The following GNG2 variants were observed in gnomAD, a reference collection of about 807,000 sequenced individuals.
The protein encoded by GNG2 is G protein subunit gamma 2.
In GNG2, 5 loss-of-function variants were observed where a neutral mutation model predicts 5.5. The observed-to-expected ratio is 0.91, with a 90% confidence interval of 0.48 to 1.92. The LOEUF is 1.92. Ranked by LOEUF, GNG2 falls within the 30% of genes most tolerant of loss-of-function variation. GNG2 has a pLI of 0.01. For missense variants in GNG2, 55 were observed against 88.4 expected (o/e 0.62, Z 1.52); for synonymous variants, 28 against 32.0 (o/e 0.88, Z 0.42).
intron 1 of GNG2, among the ~76,000 whole-genome samples, chr14:51,873,278 G>C (rs1566656755): frequency 6.6e-6 from 1 of 152,126 alleles, no homozygotes; most frequent in Non-Finnish European, 1.5e-5. Flanking sequence ...GGGGCTTCTG[G>C]GGGAACAATC....
chr14:51,959,159 C>T lies in GNG2; in HGVS notation c.88-7400C>T, dbSNP rs577455309. ...CAAGGGTCCTAGGGTTCATTCATTA[C>T]TCAGCTCTACTTTCTTGGTGATCTT... On this transcript the variant is annotated intron_variant, in intron 3 of 3. Transcript: ENST00000556766. Among the ~76,000 whole-genome samples the T allele has an allele frequency of 1.3e-3, 193 of 152,294 alleles. 5 individuals carry two copies. The South Asian group carries it at 0.038, about 30-fold the overall frequency.
intron 2 of GNG2, among the ~76,000 whole-genome samples, chr14:51,879,074 C>T (rs1273433666): frequency 1.3e-5 from 2 of 152,182 alleles, no homozygotes; most frequent in Non-Finnish European, 2.9e-5. Flanking sequence ...CCAGAGCACT[C>T]TAGGGAGACG....
At chr14:51,829,682 C>T (rs55700722) in intron 2 of GNG2, among the ~76,000 whole-genome samples, 1 of 152,088 alleles carries the variant, frequency 6.6e-6, no homozygotes, top group Admixed American at 6.6e-5. Flanking sequence ...AATTCCTTCC[C>T]TGTCATTCTC....
At chr14:51,896,017 C>T (rs908019024) in intron 2 of GNG2, among the ~76,000 whole-genome samples, 1 of 152,210 alleles carries the variant, frequency 6.6e-6, no homozygotes, top group African/African-American at 2.4e-5. Flanking sequence ...GTAAATTGCC[C>T]AGTCTCGGAT....
intron 2 of GNG2, among the ~76,000 whole-genome samples, chr14:51,947,454 G>A (rs888601998): frequency 1.3e-5 from 2 of 152,156 alleles, no homozygotes; most frequent in African/African-American, 4.8e-5. Context: ...GGAGGTCAGA[G>A]TGATGTGACA....
chr14:51,843,374 C>T (rs1466254985), intron 2 of GNG2, among the ~76,000 whole-genome samples: 1 of 152,068 alleles, frequency 6.6e-6, no homozygotes, highest in East Asian at 1.9e-4. Flanking sequence ...TCATATAGAA[C>T]AATGAGAACA....
At chr14:51,932,823 A>C (rs1160751239) in intron 2 of GNG2, among the ~76,000 whole-genome samples, 2 of 152,046 alleles carry the variant, frequency 1.3e-5, no homozygotes, top group African/African-American at 2.4e-5. Flanking sequence ...AATTATAAGG[A>C]AAAAGGATGT....
At chr14:51,965,425 A>T (rs544503768) in intron 3 of GNG2, among the ~76,000 whole-genome samples, 5 of 152,268 alleles carry the variant, frequency 3.3e-5, no homozygotes, top group Non-Finnish European at 7.4e-5. Flanking sequence ...GCTATAGATG[A>T]CTTTTAGTTT....
intron 2 of GNG2, among the ~76,000 whole-genome samples, chr14:51,931,423 T>C (rs148139019): frequency 2.8e-4 from 42 of 152,190 alleles, no homozygotes; most frequent in African/African-American, 9.4e-4. Context: ...CTCATTCACA[T>C]AGAGAGGGTG....
chr14:51,966,698 G>C lies in GNG2; in HGVS notation c.*11G>C. ...TGTGCCATCCTTTAAGTCTTTGAGA[G>C]GGGCCTGAAGAGCCTCCGGGCTCCT... On this transcript the variant is annotated 3_prime_UTR_variant, in exon 4 of 4. Transcript: ENST00000556766. The C allele has an allele frequency of 1.2e-6, 2 of 1,613,072 alleles. No individual in the cohort carries two copies. Among genetic ancestry groups the C allele is most frequent in the Non-Finnish European group, 1.7e-6 (2 of 1,179,120 alleles).
chr14:51,907,196 C>T (rs763108547), intron 2 of GNG2, among the ~76,000 whole-genome samples: 4 of 152,204 alleles, frequency 2.6e-5, no homozygotes, highest in Non-Finnish European at 4.4e-5. Context: ...ATTGATGGTG[C>T]TATGGGAGAA....
At chr14:51,835,539 A>G (rs922102937) in intron 2 of GNG2, among the ~76,000 whole-genome samples, 1 of 152,206 alleles carries the variant, frequency 6.6e-6, no homozygotes, top group Non-Finnish European at 1.5e-5. Context: ...GATTTGAGAT[A>G]TGCTGACCCA....
chr14:51,933,845 GA>G (rs913704815), intron 2 of GNG2, among the ~76,000 whole-genome samples: 1 of 152,202 alleles, frequency 6.6e-6, no homozygotes, highest in Non-Finnish European at 1.5e-5. Context: ...CACCAGCTGA[GA>G]ATGAGGATGA....
At chr14:51,958,198 C>CTTTCTCAG (rs773187955) in intron 3 of GNG2, among the ~76,000 whole-genome samples, 1 of 152,198 alleles carries the variant, frequency 6.6e-6, no homozygotes, top group Non-Finnish European at 1.5e-5. Flanking sequence ...TCTTTGAGCT[C>CTTTCTCAG]TTTCTCAGTT....
chr14:51,936,583 C>T (rs1452880318), intron 2 of GNG2, among the ~76,000 whole-genome samples: 1 of 149,246 alleles, frequency 6.7e-6, no homozygotes, highest in African/African-American at 2.5e-5. Flanking sequence ...TAGTGCCTCA[C>T]TCTGTGGCCC....
chr14:51,908,311 AG>A (rs1249877623), intron 2 of GNG2, among the ~76,000 whole-genome samples: 4 of 152,240 alleles, frequency 2.6e-5, no homozygotes, highest in Non-Finnish European at 5.9e-5. Context: ...TCATTTTAGA[AG>A]AACCATATCA....
At chr14:51,866,975 T>C (rs1160883967) in intron 1 of GNG2, among the ~76,000 whole-genome samples, 10 of 152,236 alleles carry the variant, frequency 6.6e-5, no homozygotes, top group Non-Finnish European at 1.3e-4. Context: ...TAAGGGATTA[T>C]GTTGTGACAA....
At chr14:51,958,373 A>G (rs981273699) in intron 3 of GNG2, among the ~76,000 whole-genome samples, 6 of 136,460 alleles carry the variant, frequency 4.4e-5, no homozygotes, top group African/African-American at 1.6e-4. Context: ...GCTGCCCCCC[A>G]GGACCTCTCA....
At chr14:51,913,002 T>G (rs1886384094) in intron 2 of GNG2, 1 of 152,146 alleles carries the variant, frequency 6.6e-6, no homozygotes, top group Admixed American at 6.5e-5. Context: ...TGTTTCTGCT[T>G]TCAAAGGGAT....
Sources: gnomAD v4.1 joint callset for allele counts (sites outside exome capture counted in the v4.1 genomes callset) on GRCh38, gnomAD v4.1.1 for gene constraint, MANE v1.5 for transcripts, NCBI Gene and HGNC (gene_info 2026-07-23, HGNC 2026-07-21) for gene names.